The following ACKR3 variants were observed in gnomAD, a reference collection of about 807,000 sequenced individuals.
ACKR3 encodes C-X-C chemokine receptor type 7.
Under a neutral mutation model 22.4 loss-of-function variants are expected in ACKR3, and 6 were observed. The observed-to-expected ratio is 0.27, with a 90% CI of 0.15 to 0.53. The LOEUF (loss-of-function observed/expected upper bound fraction) is 0.53, where lower values mean the gene tolerates loss of function less well. Ranked by LOEUF, ACKR3 falls within the 20% of genes least tolerant of loss-of-function variation. The probability of loss-of-function intolerance (pLI) is 0.96; values close to 1 mark genes in which losing one functional copy is unlikely to be tolerated. For missense variants in ACKR3, 396 were observed against 475.2 expected (o/e 0.83, Z 1.55); for synonymous variants, 209 against 205.2 (o/e 1.02, Z -0.16).
chr2:236,552,868 C>G, the ACKR3 span, among the ~76,000 whole-genome samples: 1 of 152,226 alleles, frequency 6.6e-6, no homozygotes, highest in East Asian at 1.9e-4. Flanking sequence ...CTTCCCAGGC[C>G]CTAGGAGAGG....
chr2:236,552,667 T>C, the ACKR3 span, among the ~76,000 whole-genome samples: 1 of 152,280 alleles, frequency 6.6e-6, no homozygotes, highest in South Asian at 2.1e-4. Context: ...TCAGAAGTAT[T>C]TGGTTTCAAA....
chr2:236,581,165 C>A lies in ACKR3; in HGVS notation c.700C>A (p.Leu234Met). Residue 234 changes from leucine (L) to methionine (M), a missense_variant, in exon 2 of 2, where the codon CTG (leucine) becomes ATG (methionine). By Grantham distance (15) the Leu-to-Met change is conservative. Coordinates refer to ENST00000272928, the MANE Select transcript of ACKR3 (RefSeq NM_020311.3). This position sits in a 1 kb window ranked among gnomAD's most constrained non-coding sequence, Gnocchi z 4.4. ...PFSIIAVFYF[L>M]LARAISASSD... ...CTCCATTATCGCTGTCTTCTACTTCCTGCTGGCCAGAGCCATCTCGGCGTC... is the reference window on the plus strand; with the variant it reads ...CTCCATTATCGCTGTCTTCTACTTCATGCTGGCCAGAGCCATCTCGGCGTC... The A allele has an allele frequency of 1.2e-6, 2 of 1,614,052 alleles. No individual in the cohort carries two copies. The highest frequency in any genetic ancestry group is 1.7e-6 in the Non-Finnish European group (2 of 1,179,884).
At chr2:236,540,255 T>C in the ACKR3 span, among the ~76,000 whole-genome samples, 1 of 152,238 alleles carries the variant, frequency 6.6e-6, no homozygotes, top group Non-Finnish European at 1.5e-5. Flanking sequence ...AGAATTGTGG[T>C]TCTAATTTGT....
the ACKR3 span, among the ~76,000 whole-genome samples, chr2:236,558,258 C>G: frequency 2.0e-5 from 3 of 152,180 alleles, no homozygotes; most frequent in Non-Finnish European, 4.4e-5. Flanking sequence ...CTATGGGCCG[C>G]TGCTAGTCAT....
the ACKR3 span, among the ~76,000 whole-genome samples, chr2:236,556,472 C>A: frequency 6.6e-6 from 1 of 151,882 alleles, no homozygotes; most frequent in Non-Finnish European, 1.5e-5. Flanking sequence ...CCTTATATGA[C>A]GGGGGCAGGG....
chr2:236,539,287 T>C, the ACKR3 span, among the ~76,000 whole-genome samples: 4,837 of 150,588 alleles, frequency 0.032, 244 homozygotes, highest in African/African-American at 0.11. Flanking sequence ...TGTGTAAACA[T>C]TATTTTCATT....
At chr2:236,549,620 C>T in the ACKR3 span, among the ~76,000 whole-genome samples, 1 of 152,188 alleles carries the variant, frequency 6.6e-6, no homozygotes, top group African/African-American at 2.4e-5. The surrounding 1 kb of genome is among the most constrained non-coding windows in gnomAD (Gnocchi z 5.3). Context: ...CAGCACCCTC[C>T]TCCCTTGGCT....
intron 1 of ACKR3, among the ~76,000 whole-genome samples, chr2:236,573,348 G>A (rs997187713): frequency 5.3e-5 from 8 of 152,220 alleles, no homozygotes; most frequent in African/African-American, 1.7e-4. Flanking sequence ...GTTTGCTTTT[G>A]TAGCATGATT....
chr2:236,567,979 G>T, upstream of ACKR3: 1 of 153,586 alleles, frequency 6.5e-6, no homozygotes, highest in South Asian at 1.8e-4. Context: ...GGGTGGGCGC[G>T]GGGCCGGGGC....
At chr2:236,566,617 T>C (rs79864764), upstream of ACKR3, among the ~76,000 whole-genome samples, 2,375 of 152,310 alleles carry the variant, frequency 0.016, 59 homozygotes, top group African/African-American at 0.051. Flanking sequence ...CTAATCTTTT[T>C]AGTCACATTT....
the ACKR3 span, among the ~76,000 whole-genome samples, chr2:236,549,800 T>C: frequency 6.6e-5 from 10 of 152,108 alleles, no homozygotes; most frequent in East Asian, 1.9e-3. This position sits in a 1 kb window ranked among gnomAD's most constrained non-coding sequence, Gnocchi z 5.3. Context: ...CCCTGGGAAG[T>C]GTATTTTGAA....
At chr2:236,559,088 A>T in the ACKR3 span, among the ~76,000 whole-genome samples, 5 of 152,246 alleles carry the variant, frequency 3.3e-5, no homozygotes, top group African/African-American at 1.2e-4. Context: ...CTATGTGTTT[A>T]GTAGCCCATT....
At chr2:236,553,911 T>C in the ACKR3 span, among the ~76,000 whole-genome samples, 36,532 of 152,058 alleles carry the variant, frequency 0.24, 6,411 homozygotes, top group African/African-American at 0.5. Flanking sequence ...GCTTATCCTG[T>C]AGTGTTATTT....
At chr2:236,562,435 G>T in the ACKR3 span, among the ~76,000 whole-genome samples, 1 of 151,982 alleles carries the variant, frequency 6.6e-6, no homozygotes, top group Admixed American at 6.5e-5. Context: ...TTTTCAGTTT[G>T]GGTCTCTCAT....
In ACKR3 at chr2:236,581,302, C is replaced by A; in HGVS notation, c.837C>A (p.Ile279=). ...CGGTGCTGCTGGACATCTTCTCCAT[C>A]CTGCACTACATCCCTTTCACCTGCC... ...HVAVLLDIFS[I]LHYIPFTCRL... The change falls in exon 2 of 2, where the codon ATC becomes ATA. Residue 279 remains isoleucine (I), a synonymous_variant. Coordinates refer to ENST00000272928, the MANE Select transcript of ACKR3 (RefSeq NM_020311.3). The surrounding 1 kb of genome is among the most constrained non-coding windows in gnomAD (Gnocchi z 4.4). 1 of 1,614,104 alleles carries A rather than the reference C, an allele frequency of 6.2e-7. No homozygotes were observed. The highest frequency in any genetic ancestry group is 1.1e-5 in the South Asian group (1 of 91,078).
At chr2:236,558,791 C>T in the ACKR3 span, among the ~76,000 whole-genome samples, 1 of 152,138 alleles carries the variant, frequency 6.6e-6, no homozygotes, top group African/African-American at 2.4e-5. Context: ...TTTTGTCTCA[C>T]GTTGTTTTAA....
At chr2:236,553,090 C>A in the ACKR3 span, among the ~76,000 whole-genome samples, 1 of 152,218 alleles carries the variant, frequency 6.6e-6, no homozygotes, top group African/African-American at 2.4e-5. Context: ...TTCCAGGCCG[C>A]ACAACACCTG....
the ACKR3 span, among the ~76,000 whole-genome samples, chr2:236,538,398 A>G: frequency 6.6e-6 from 1 of 152,242 alleles, no homozygotes; most frequent in Non-Finnish European, 1.5e-5. Context: ...CATCCGAGTC[A>G]GAGATTGGGC....
At chr2:236,568,248 C>G (rs972203747), upstream of ACKR3, among the ~76,000 whole-genome samples, 2 of 152,218 alleles carry the variant, frequency 1.3e-5, no homozygotes, top group Non-Finnish European at 2.9e-5. Context: ...GGACAGGCCC[C>G]GGAGTCACGG....
Sources: gnomAD v4.1 joint callset for allele counts (sites outside exome capture counted in the v4.1 genomes callset) on GRCh38, gnomAD v4.1.1 for gene constraint, Gnocchi (gnomAD v3.1) non-coding constraint, MANE v1.5 for transcripts, NCBI Gene and HGNC (gene_info 2026-07-23, HGNC 2026-07-21) for gene names.